Variants in PCDHGA2 observed in about 807,000 individuals in gnomAD.
PCDHGA2 encodes the protein protocadherin gamma subfamily A, 2, also known as protocadherin gamma-A2.
In PCDHGA2, 40 loss-of-function variants were observed where a neutral mutation model predicts 59.2. The ratio of observed to expected loss-of-function variants is 0.68; its 90% CI spans 0.52 to 0.88. The LOEUF is 0.88. Ranked by LOEUF, PCDHGA2 falls within the 40% of genes least tolerant of loss-of-function variation. The probability of loss-of-function intolerance (pLI) is 0.00; values close to 1 mark genes in which losing one functional copy is unlikely to be tolerated. For missense variants in PCDHGA2, 1,226 were observed against 1,204.0 expected (o/e 1.02, Z -0.27); for synonymous variants, 560 against 526.0 (o/e 1.06, Z -0.89).
At chr5:141,372,726 C>G (rs748651265) in intron 1 of PCDHGA2, 2 of 1,613,836 alleles carry the variant, frequency 1.2e-6, no homozygotes, top group South Asian at 2.2e-5. Flanking sequence ...TGCTGCACCA[C>G]AAGATCTTCT....
At position 141,497,209 on chromosome 5, in the gene PCDHGA2, T is replaced by TG. The variant is rs11343387; in HGVS notation, c.2483+2353dup. On this transcript the variant is annotated intron_variant, in intron 2 of 3. Coordinates refer to ENST00000394576, the MANE Select transcript of PCDHGA2 (RefSeq NM_018915.4). ...GAGGCAGAGAACAATGTGAGTGTAA[T>TG]GGGGGGGGGAAGATCAGAGAAGGCT... Among the ~76,000 whole-genome samples the TG allele has an allele frequency of 1.3e-3, 196 of 151,342 alleles. 1 individual carries two copies. The South Asian group carries it at 0.02, about 15-fold the overall frequency.
At chr5:141,403,758 T>G in intron 1 of PCDHGA2, 1 of 1,613,922 alleles carries the variant, frequency 6.2e-7, no homozygotes, top group Non-Finnish European at 8.5e-7. Context: ...GCCAGCGACC[T>G]GGATGAGGGA....
rs1390739125 is a variant in PCDHGA2 at position 141,490,094 on chromosome 5, C to T, written c.2425-4713C>T. ...CTAGACTATTCTTTTGGAGACCACA[C>T]ATCTGAGGCAGTGCGGAACCTCTTT... On this transcript the variant is annotated intron_variant, in intron 1 of 3. Coordinates refer to ENST00000394576, the MANE Select transcript of PCDHGA2 (RefSeq NM_018915.4). This position sits in a 1 kb window ranked among gnomAD's most constrained non-coding sequence, Gnocchi z 5.4. 1 of 1,614,250 alleles carries T rather than the reference C, an allele frequency of 6.2e-7. No individual in the cohort carries two copies. The highest frequency in any genetic ancestry group is 2.2e-5 in the East Asian group (1 of 44,888).
At chr5:141,393,430 C>G in intron 1 of PCDHGA2, 1 of 1,614,040 alleles carries the variant, frequency 6.2e-7, no homozygotes, top group Non-Finnish European at 8.5e-7. Context: ...GAGGAAGAGG[C>G]TGCTCACCAC....
intron 1 of PCDHGA2, among the ~76,000 whole-genome samples, chr5:141,368,919 AG>A (rs1297427818): frequency 1.3e-5 from 2 of 152,176 alleles, no homozygotes; most frequent in Non-Finnish European, 2.9e-5. Flanking sequence ...GGTGACAATG[AG>A]TGTCTGTCTA....
intron 1 of PCDHGA2, chr5:141,344,208 C>G: frequency 6.2e-7 from 1 of 1,614,052 alleles, no homozygotes; most frequent in Non-Finnish European, 8.5e-7. Flanking sequence ...GCCCCGGGAG[C>G]TGGCGGAGCG....
chr5:141,474,188 T>C (rs1203777014), intron 1 of PCDHGA2, among the ~76,000 whole-genome samples: 1 of 152,216 alleles, frequency 6.6e-6, no homozygotes, highest in Non-Finnish European at 1.5e-5. Context: ...CTACTTACAT[T>C]TTTAAAAGCT....
Position 141,485,955 on chromosome 5 carries a change from T to C in PCDHGA2, c.2425-8852T>C. 1 of 1,614,152 alleles carries C rather than the reference T, an allele frequency of 6.2e-7. No homozygotes were observed. Among genetic ancestry groups the C allele is most frequent in the Non-Finnish European group, 8.5e-7 (1 of 1,180,018 alleles). On this transcript the variant is annotated intron_variant, in intron 1 of 3. Transcript: ENST00000394576. This position sits in a 1 kb window ranked among gnomAD's most constrained non-coding sequence, Gnocchi z 5.7. ...GAGAGCGCACCAGCGGGCATGGTGC[T>C]CATCCAGCTCAATGCCTCAGACCCG...
intron 1 of PCDHGA2, chr5:141,392,278 G>C (rs2092498621): frequency 6.6e-6 from 1 of 152,148 alleles, no homozygotes; most frequent in Non-Finnish European, 1.5e-5. Flanking sequence ...ATAAAGCTTA[G>C]AGCACAATGG....
intron 3 of PCDHGA2, among the ~76,000 whole-genome samples, chr5:141,509,265 C>G (rs1296179995): frequency 1.3e-5 from 2 of 152,138 alleles, no homozygotes; most frequent in African/African-American, 4.8e-5. Flanking sequence ...TTTAGTCACT[C>G]TCGCTACCCG....
intron 1 of PCDHGA2, chr5:141,373,964 C>A: frequency 1.0e-6 from 1 of 955,768 alleles, no homozygotes; most frequent in Non-Finnish European, 1.5e-6. Flanking sequence ...TGACCTGAAA[C>A]GCTTCGCATC....
intron 2 of PCDHGA2, among the ~76,000 whole-genome samples, chr5:141,502,200 C>T (rs553356132): frequency 6.6e-6 from 1 of 152,252 alleles, no homozygotes; most frequent in African/African-American, 2.4e-5. Flanking sequence ...AATATAGAAT[C>T]CACCAGCAGA....
At chr5:141,480,828 TAAGATC>T (rs1054950452) in intron 1 of PCDHGA2, among the ~76,000 whole-genome samples, 22 of 152,260 alleles carry the variant, frequency 1.4e-4, no homozygotes, top group African/African-American at 5.1e-4. Context: ...GGGTGGATCA[TAAGATC>T]AGGAGTTTGA....
intron 1 of PCDHGA2, chr5:141,365,645 C>T (rs770859603): frequency 2.5e-6 from 4 of 1,613,454 alleles, no homozygotes; most frequent in Non-Finnish European, 3.4e-6. Flanking sequence ...AAGCCACATC[C>T]CCTTGAAAGT....
chr5:141,405,330 T>A, intron 1 of PCDHGA2: 1 of 1,614,206 alleles, frequency 6.2e-7, no homozygotes. Flanking sequence ...CCTTTGTGCG[T>A]CTCTGTTGAT....
At chr5:141,452,887 C>T (rs1000136303) in intron 1 of PCDHGA2, among the ~76,000 whole-genome samples, 1 of 152,174 alleles carries the variant, frequency 6.6e-6, no homozygotes, top group Non-Finnish European at 1.5e-5. Flanking sequence ...ATAATTTATT[C>T]CACTTTTATT....
At chr5:141,365,743 CT>C (rs2149881259) in intron 1 of PCDHGA2, 1 of 1,613,828 alleles carries the variant, frequency 6.2e-7, no homozygotes, top group Non-Finnish European at 8.5e-7. Context: ...GTGTCTCTAT[CT>C]TCTCTGTGAC....
At chr5:141,414,174 A>C in intron 1 of PCDHGA2, 1 of 1,607,520 alleles carries the variant, frequency 6.2e-7, no homozygotes, top group Non-Finnish European at 8.5e-7. Context: ...CATATCTTGC[A>C]ACTGCAAAAG....
At chr5:141,456,352 C>T (rs1253586137) in intron 1 of PCDHGA2, among the ~76,000 whole-genome samples, 1 of 152,050 alleles carries the variant, frequency 6.6e-6, no homozygotes, top group Non-Finnish European at 1.5e-5. Flanking sequence ...GGAAGAATGG[C>T]GTCCATGTGT....
Sources: allele counts gnomAD v4.1 joint callset (sites outside exome capture counted in the v4.1 genomes callset), GRCh38; gene constraint gnomAD v4.1.1; non-coding constraint Gnocchi (gnomAD v3.1); transcripts MANE v1.5; gene names NCBI Gene and HGNC (gene_info 2026-07-23, HGNC 2026-07-21).